The following CLCN3 variants were observed in gnomAD, a reference collection of about 807,000 sequenced individuals.
CLCN3 encodes the protein H(+)/Cl(-) exchange transporter 3.
A neutral mutation model predicts 83.4 loss-of-function variants in CLCN3; 16 were observed. The ratio of observed to expected loss-of-function variants is 0.19; its 90% CI spans 0.13 to 0.29. The LOEUF is 0.29. Ranked by LOEUF, CLCN3 falls within the 10% of genes least tolerant of loss-of-function variation. The pLI is 1.00. For missense variants in CLCN3, 544 were observed against 1,006.0 expected, an observed-to-expected ratio of 0.54 and a Z score of 6.21; for synonymous variants, 322 against 346.2, an observed-to-expected ratio of 0.93 and a Z score of 0.78.
intron 6 of CLCN3, among the ~76,000 whole-genome samples, 175 bp from the exon 7 acceptor site, chr4:169,691,939 A>G (rs529503957): frequency 6.6e-6 from 1 of 152,312 alleles, no homozygotes; most frequent in South Asian, 2.1e-4. Flanking sequence ...TATAATATCA[A>G]TTTATTATAT....
chr4:169,666,671 G>T (rs1438927587), intron 2 of CLCN3, among the ~76,000 whole-genome samples: 1 of 152,174 alleles, frequency 6.6e-6, no homozygotes, highest in Non-Finnish European at 1.5e-5. Flanking sequence ...CTGAGAGAAG[G>T]TTGTCCACAT....
At chr4:169,659,681 G>T (rs1416641594) in intron 2 of CLCN3, among the ~76,000 whole-genome samples, 1 of 152,026 alleles carries the variant, frequency 6.6e-6, no homozygotes, top group East Asian at 1.9e-4. Flanking sequence ...CAGTTATTCG[G>T]TTTTTAAATC....
rs1730957245 is a variant in CLCN3 at position 169,658,675 on chromosome 4, G to A, written c.161-21375G>A. 3.3e-5 allele frequency among the ~76,000 whole-genome samples: 5 copies of A among 151,894 alleles called. 1 individual carries two copies. The South Asian group carries it at 8.3e-4, about 25-fold the overall frequency. On this transcript the variant is annotated intron_variant, in intron 2 of 12. Transcript: ENST00000513761. ...AACTATTGGCTCAGTGTGCAGGAAG[G>A]AGCATAGGAGAAAAAATTGCCAAGA...
At chr4:169,674,680 T>C (rs1003844721) in intron 2 of CLCN3, among the ~76,000 whole-genome samples, 1 of 152,158 alleles carries the variant, frequency 6.6e-6, no homozygotes, top group African/African-American at 2.4e-5. Context: ...TATTATTATT[T>C]TTTGGAGTAC....
intron 1 of CLCN3, among the ~76,000 whole-genome samples, chr4:169,632,329 A>G (rs909093825): frequency 9.9e-5 from 15 of 152,148 alleles, no homozygotes; most frequent in Admixed American, 8.5e-4. Context: ...TAAGATATAC[A>G]ACTGGCCAAC....
At chr4:169,646,585 A>G (rs1188008168) in intron 2 of CLCN3, among the ~76,000 whole-genome samples, 1 of 152,120 alleles carries the variant, frequency 6.6e-6, no homozygotes, top group African/African-American at 2.4e-5. Context: ...CGTGAGCCAC[A>G]GCACTCAGAC....
At chr4:169,664,840 T>A (rs954283423) in intron 2 of CLCN3, among the ~76,000 whole-genome samples, 3 of 152,230 alleles carry the variant, frequency 2.0e-5, no homozygotes, top group African/African-American at 7.2e-5. Context: ...TGAACAGATT[T>A]CCTGCCGCAT....
intron 3 of CLCN3, among the ~76,000 whole-genome samples, chr4:169,685,336 A>G (rs1732112955): frequency 6.6e-6 from 1 of 152,200 alleles, no homozygotes; most frequent in African/African-American, 2.4e-5. Flanking sequence ...CAAAACAGGC[A>G]TGTTCAAAGA....
chr4:169,677,283 T>G (rs1731717850), intron 2 of CLCN3, among the ~76,000 whole-genome samples: 1 of 152,184 alleles, frequency 6.6e-6, no homozygotes, highest in South Asian at 2.1e-4. Flanking sequence ...CTGTACAGAC[T>G]TTAGATCAGG....
intron 9 of CLCN3, among the ~76,000 whole-genome samples, 156 bp from the exon 10 acceptor site, chr4:169,703,842 A>G (rs998682533): frequency 8.5e-5 from 13 of 152,206 alleles, no homozygotes; most frequent in African/African-American, 2.9e-4. Flanking sequence ...TTGTTAAGGT[A>G]CAAGATTTTG....
intron 2 of CLCN3, among the ~76,000 whole-genome samples, chr4:169,656,054 G>A (rs1379517369): frequency 1.3e-5 from 2 of 151,654 alleles, no homozygotes; most frequent in Non-Finnish European, 2.9e-5. Context: ...CCCCAGAAAA[G>A]CTTTGCTGTA....
At chr4:169,644,505 G>C (rs1010769427) in intron 2 of CLCN3, among the ~76,000 whole-genome samples, 1 of 152,124 alleles carries the variant, frequency 6.6e-6, no homozygotes. Context: ...GCCTCCCAAA[G>C]TGTTGGGATT....
At chr4:169,667,506 A>C (rs556605611) in intron 2 of CLCN3, among the ~76,000 whole-genome samples, 46 of 151,934 alleles carry the variant, frequency 3.0e-4, no homozygotes, top group Non-Finnish European at 1.6e-4. Flanking sequence ...TTCTTAGTAG[A>C]GTTATTTTTA....
At position 169,713,154 on chromosome 4, in the gene CLCN3, C is replaced by T; in HGVS notation, c.2225C>T (p.Pro742Leu). The T allele has an allele frequency of 6.2e-7, 1 of 1,614,156 alleles. No homozygotes were observed. Among genetic ancestry groups the T allele is most frequent in the Non-Finnish European group, 8.5e-7 (1 of 1,180,008 alleles). ...TTTGCACAGCACACCCCATCTCTTC[C>T]AGCAGAAAGTCCTCGGCCATTGAAG... ...VCFAQHTPSLPAESPRPLKLR... is the reference protein window; with the variant it reads ...VCFAQHTPSLLAESPRPLKLR... Residue 742 changes from proline (P) to leucine (L), a missense_variant, in exon 12 of 13, where the codon CCA becomes CTA. Pro to Leu is a moderately conservative substitution (Grantham distance 98). Around this residue, in one of 6 missense-constraint regions of CLCN3, gnomAD observed 142 missense variants for 225.0 expected, o/e 0.63. Coordinates refer to ENST00000513761, the MANE Select transcript of CLCN3 (RefSeq NM_001829.4).
chr4:169,622,776 C>G (rs754075417), intron 1 of CLCN3, among the ~76,000 whole-genome samples: 1 of 152,120 alleles, frequency 6.6e-6, no homozygotes, highest in Non-Finnish European at 1.5e-5. Context: ...TTCAGAGTTC[C>G]TGCTCTCTGC....
chr4:169,638,989 G>T (rs967584604), intron 2 of CLCN3, among the ~76,000 whole-genome samples: 7 of 152,102 alleles, frequency 4.6e-5, no homozygotes, highest in African/African-American at 1.2e-4. Context: ...CAATTAGCAA[G>T]TATAAAGTTG....
chr4:169,703,925 A>G, intron 9 of CLCN3, 73 bp from the exon 10 acceptor site: 1 of 1,383,452 alleles, frequency 7.2e-7, no homozygotes, highest in Non-Finnish European at 1.0e-6. Context: ...TTAGAAATAA[A>G]TGCATAGAAT....
intron 9 of CLCN3, among the ~76,000 whole-genome samples, chr4:169,699,656 G>A (rs1275357627): frequency 6.6e-6 from 1 of 152,082 alleles, no homozygotes; most frequent in African/African-American, 2.4e-5. Flanking sequence ...GGCCGAGGCG[G>A]GCAGATCACA....
At chr4:169,633,073 C>T (rs1188383913) in intron 1 of CLCN3, among the ~76,000 whole-genome samples, 1 of 152,120 alleles carries the variant, frequency 6.6e-6, no homozygotes, top group African/African-American at 2.4e-5. Flanking sequence ...AGTGCAGTGG[C>T]ATAATCTCAG....
Sources: gnomAD v4.1 joint callset for allele counts (sites outside exome capture counted in the v4.1 genomes callset) on GRCh38, gnomAD v4.1.1 for gene constraint, gnomAD v4.1.1 regional missense constraint, MANE v1.5 for transcripts, NCBI Gene and HGNC (gene_info 2026-07-23, HGNC 2026-07-21) for gene names.